Variants in PML observed in about 807,000 individuals in gnomAD.
PML encodes the protein protein PML.
A neutral mutation model predicts 65.2 loss-of-function variants in PML; 28 were observed. That is an observed-to-expected ratio of 0.43 (90% CI 0.32 to 0.59). The LOEUF (loss-of-function observed/expected upper bound fraction) is 0.59. PML is among the 20% of genes least tolerant of loss of function. The pLI is 0.08. For missense variants in PML, 1,021 were observed against 1,203.4 expected, an observed-to-expected ratio of 0.85 and a Z score of 2.24; for synonymous variants, 500 against 508.8, an observed-to-expected ratio of 0.98 and a Z score of 0.23.
At position 73,998,389 on chromosome 15, in the gene PML, A is replaced by G; in HGVS notation, c.515A>G (p.Gln172Arg). 1 of 1,614,094 alleles carries G rather than the reference A, an allele frequency of 6.2e-7. No homozygotes were observed. Among genetic ancestry groups the G allele is most frequent in the Non-Finnish European group, 8.5e-7 (1 of 1,179,942 alleles). ...CGGCCCCTAGCAGAGCTGCGCAACCAGTCGGTGCGTGAGTTCCTGGACGGC... is the reference window on the plus strand; with the variant it reads ...CGGCCCCTAGCAGAGCTGCGCAACCGGTCGGTGCGTGAGTTCCTGGACGGC... Reference protein sequence around the residue: ...EARPLAELRNQSVREFLDGTR... With the variant: ...EARPLAELRNRSVREFLDGTR... Residue 172 changes from glutamine to arginine, a missense_variant, in exon 2 of 9, where the codon CAG becomes CGG. Coordinates refer to ENST00000268058, the MANE Select transcript of PML (RefSeq NM_033238.3).
chr15:74,013,668 CAT>C (rs1480702946), intron 2 of PML, among the ~76,000 whole-genome samples: 1 of 152,176 alleles, frequency 6.6e-6, no homozygotes, highest in Admixed American at 6.5e-5. Flanking sequence ...TTACTCAACT[CAT>C]ATATTGCTAT....
intron 3 of PML, among the ~76,000 whole-genome samples, chr15:74,024,326 G>A (rs991323453): frequency 9.9e-5 from 15 of 152,182 alleles, no homozygotes; most frequent in South Asian, 4.1e-4. Context: ...GCCTGGACCT[G>A]TGCCTTCTCC....
chr15:74,043,398 C>T lies in PML; in HGVS notation c.1861+259C>T. 7.0e-7 allele frequency: 1 copy of T among 1,425,870 alleles called. No individual in the cohort carries two copies. The highest frequency in any genetic ancestry group is 9.1e-7 in the Non-Finnish European group (1 of 1,095,056). The allele number at this position is 1,425,870 out of a possible 1,614,324, so 88.3% of individuals were successfully genotyped here. Reference sequence around the variant, plus strand: ...TCCACAAGTGCACCTCTGACCAGTTCTTCTCTCAGACAGAGAGCCTGGGGA... The same window carrying T: ...TCCACAAGTGCACCTCTGACCAGTTTTTCTCTCAGACAGAGAGCCTGGGGA... On this transcript the variant is annotated intron_variant, in intron 8 of 8. Transcript: ENST00000268058. This position sits in a 1 kb window ranked among gnomAD's most constrained non-coding sequence, Gnocchi z 4.3.
At chr15:74,033,934 A>G in intron 6 of PML, 1 of 357,024 alleles carries the variant, frequency 2.8e-6, no homozygotes, top group Non-Finnish European at 5.1e-6. Flanking sequence ...AACCCAGAGG[A>G]ATCTGGAACA....
At chr15:74,044,095 C>G in intron 8 of PML, 126 bp from the exon 9 acceptor site, 1 of 862,772 alleles carries the variant, frequency 1.2e-6, no homozygotes, top group Middle Eastern at 2.9e-4. Context: ...TGATGTGTGG[C>G]TACTGCCAGC....
Position 74,044,466 on chromosome 15 carries a change from G to A in PML, c.2107G>A (p.Ala703Thr). ...DINRLWEFQE[A>T]ISGFLAALPL... ...TAACAGGCTGTGGGAATTCCAGGAG[G>A]CCATCTCGGGCTTCCTGGCTGCCCT... Residue 703 changes from alanine to threonine, a missense_variant, in exon 9 of 9, where the codon GCC (alanine) becomes ACC (threonine). Coordinates refer to ENST00000268058, the MANE Select transcript of PML (RefSeq NM_033238.3). The A allele has an allele frequency of 1.9e-6, 3 of 1,614,100 alleles. No homozygotes were observed. Among genetic ancestry groups the A allele is most frequent in the Non-Finnish European group, 2.5e-6 (3 of 1,179,984 alleles).
At chr15:74,034,214 A>C in intron 6 of PML, 1 of 541,940 alleles carries the variant, frequency 1.8e-6, no homozygotes, top group Non-Finnish European at 3.4e-6. Context: ...ACAGGGGGCA[A>C]ATTCTGAATT....
intron 2 of PML, among the ~76,000 whole-genome samples, chr15:74,007,303 TGC>T (rs561965501): frequency 9.4e-4 from 143 of 152,342 alleles, no homozygotes; most frequent in African/African-American, 3.2e-3. Flanking sequence ...AACAATCATA[TGC>T]CAAAGTGGCA....
At position 74,007,040 on chromosome 15, in the gene PML, G is replaced by A. The variant is rs547949098; in HGVS notation, c.602+8564G>A. The stretch of plus-strand genomic sequence containing the variant: ...AGGTCACACTTCAACATGAGATTTG[G>A]TAAATATATGGGAACTCTAATGGAG... On this transcript the variant is annotated intron_variant, in intron 2 of 8. Transcript: ENST00000268058. 2.0e-4 allele frequency among the ~76,000 whole-genome samples: 30 copies of A among 152,312 alleles called. No homozygotes were observed. The East Asian group carries it at 3.5e-3, about 18-fold the overall frequency.
At chr15:74,022,760 A>T in intron 2 of PML, 68 bp from the exon 3 acceptor site, 1 of 1,251,112 alleles carries the variant, frequency 8.0e-7, no homozygotes, top group Non-Finnish European at 1.2e-6. Flanking sequence ...AGAGGAATTT[A>T]ATAACGAACG....
chr15:74,005,973 C>T (rs960639092), intron 2 of PML, among the ~76,000 whole-genome samples: 4 of 152,182 alleles, frequency 2.6e-5, no homozygotes, highest in Non-Finnish European at 4.4e-5. Context: ...AGTAGTCCCA[C>T]CTCTGCTGTG....
chr15:74,023,134 G>A lies in PML; in HGVS notation c.909G>A (p.Ala303=). 6.2e-7 allele frequency: 1 copy of A among 1,604,152 alleles called. No individual in the cohort carries two copies. Among genetic ancestry groups the A allele is most frequent in the Non-Finnish European group, 8.5e-7 (1 of 1,178,446 alleles). The change falls in exon 3 of 9, where the codon GCG becomes GCA. Residue 303 remains alanine (A), a synonymous_variant. Transcript: ENST00000268058. ...GCGAGCTGCTGGAGGCTGTGGACGC[G>A]CGGTACCAGCGCGACTACGAGGAGA... The part of the protein sequence containing the change: ...QERELLEAVD[A]RYQRDYEEMA...
chr15:74,003,289 G>A (rs373078061), intron 2 of PML, among the ~76,000 whole-genome samples: 38 of 152,044 alleles, frequency 2.5e-4, no homozygotes, highest in Admixed American at 1.2e-3. Context: ...AAAATTAGCC[G>A]GGCGTGGTGG....
intron 2 of PML, among the ~76,000 whole-genome samples, chr15:74,021,751 A>C (rs1424319369): frequency 1.3e-5 from 2 of 152,150 alleles, no homozygotes; most frequent in African/African-American, 4.8e-5. Flanking sequence ...AAAAAAAGGA[A>C]AGGAAAACGA....
chr15:74,000,793 C>T (rs1022644767), intron 2 of PML, among the ~76,000 whole-genome samples: 3 of 152,014 alleles, frequency 2.0e-5, no homozygotes, highest in Non-Finnish European at 2.9e-5. Flanking sequence ...GGGTGCGTAA[C>T]CTGCAGATAC....
chr15:74,046,818 C>T lies in PML; in HGVS notation c.*1810C>T, dbSNP rs76860094. ...CTCTGCTCAGCATCCCCAGAGGAAC[C>T]ACTGAGAAGCCTTTTGCCTGGATAG... On this transcript the variant is annotated 3_prime_UTR_variant, in exon 9 of 9. Transcript: ENST00000268058. 4.3e-6 allele frequency: 1 copy of T among 231,098 alleles called. No individual in the cohort carries two copies. The highest frequency in any genetic ancestry group is 2.2e-5 in the African/African-American group (1 of 45,258). 14.3% of individuals were successfully genotyped at this position (231,098 alleles called of 1,614,324 possible).
intron 6 of PML, chr15:74,033,973 G>T: frequency 3.1e-6 from 1 of 327,526 alleles, no homozygotes; most frequent in Non-Finnish European, 5.7e-6. Flanking sequence ...GCTTCACCCA[G>T]AGTACAGCTT....
rs1328069485 is a variant in PML at position 74,044,770 on chromosome 15, G to A, written c.2411G>A (p.Ser804Asn). ...EARLLALHNV[S>N]FMELLSAHRR... is the part of the protein sequence containing the mutation. ...CGCCTCCTGGCCCTACACAACGTGAGCTTCATGGAGCTGCTGAGTGCACAC... is the reference window on the plus strand; with the variant it reads ...CGCCTCCTGGCCCTACACAACGTGAACTTCATGGAGCTGCTGAGTGCACAC... The change falls in exon 9 of 9, where the codon AGC becomes AAC. Residue 804 changes from serine to asparagine, a missense_variant. Physicochemically the swap from Ser to Asn is conservative, Grantham distance 46. Transcript: ENST00000268058. 6 of 1,612,858 alleles carry A rather than the reference G, an allele frequency of 3.7e-6. No individual in the cohort carries two copies. In the African/African-American group the frequency reaches 4.0e-5, roughly 11 times the overall value.
rs1218331956 is a variant in PML at position 74,046,352 on chromosome 15, T to A, written c.*1344T>A. ...CCTTCCTCCTCCTCCCTCCTTCCCA[T>A]CCCTACTCATTAGCTCCCTGCTCCT... On this transcript the variant is annotated 3_prime_UTR_variant, in exon 9 of 9. Transcript: ENST00000268058. The A allele has an allele frequency of 4.3e-6, 1 of 233,032 alleles. No homozygotes were observed. Among genetic ancestry groups the A allele is most frequent in the African/African-American group, 2.2e-5 (1 of 45,296 alleles). The allele number at this position is 233,032 out of a possible 1,614,324, so 14.4% of individuals were successfully genotyped here. A position where few individuals can be genotyped will look rare whatever the true frequency, so the allele number is the denominator to read the frequency against.
Sources: allele counts gnomAD v4.1 joint callset (sites outside exome capture counted in the v4.1 genomes callset), GRCh38; gene constraint gnomAD v4.1.1; non-coding constraint Gnocchi (gnomAD v3.1); transcripts MANE v1.5; gene names NCBI Gene and HGNC (gene_info 2026-07-23, HGNC 2026-07-21).